SPMIP2: variants seen among roughly 807,000 people sequenced by gnomAD.
SPMIP2 encodes the protein sperm microtubule inner protein 2.
chr4:159,017,838 A>C, the SPMIP2 span, among the ~76,000 whole-genome samples: 1 of 152,220 alleles, frequency 6.6e-6, no homozygotes, highest in Admixed American at 6.5e-5. Context: ...GGGTTTGAGA[A>C]TGGTAAAGAG....
At chr4:158,988,126 A>C in the SPMIP2 span, among the ~76,000 whole-genome samples, 1 of 152,200 alleles carries the variant, frequency 6.6e-6, no homozygotes, top group East Asian at 1.9e-4. Flanking sequence ...GTACGCAAAT[A>C]AACTAGAAAA....
At chr4:159,057,583 T>C in the SPMIP2 span, among the ~76,000 whole-genome samples, 1 of 152,158 alleles carries the variant, frequency 6.6e-6, no homozygotes, top group Admixed American at 6.6e-5. Flanking sequence ...AAAATGTTCA[T>C]TTTTGAAAAT....
the SPMIP2 span, among the ~76,000 whole-genome samples, chr4:158,934,945 T>G: frequency 6.6e-6 from 1 of 152,230 alleles, no homozygotes; most frequent in Non-Finnish European, 1.5e-5. Context: ...AACAGTTTTC[T>G]ATACCTATTA....
At chr4:159,018,274 T>C in the SPMIP2 span, among the ~76,000 whole-genome samples, 1 of 152,166 alleles carries the variant, frequency 6.6e-6, no homozygotes, top group Non-Finnish European at 1.5e-5. Context: ...GGGACTGCTG[T>C]TGTATTGAAA....
At chr4:158,970,005 T>C in the SPMIP2 span, among the ~76,000 whole-genome samples, 1 of 152,156 alleles carries the variant, frequency 6.6e-6, no homozygotes, top group Admixed American at 6.5e-5. Flanking sequence ...AGGAAGTGGA[T>C]TGAGACATTT....
chr4:158,936,786 A>G, the SPMIP2 span, among the ~76,000 whole-genome samples: 1 of 152,186 alleles, frequency 6.6e-6, no homozygotes, highest in Non-Finnish European at 1.5e-5. Flanking sequence ...GTATTTAATC[A>G]TATTTTCCTC....
the SPMIP2 span, chr4:158,915,183 G>T: frequency 2.5e-6 from 4 of 1,602,616 alleles, no homozygotes; most frequent in Admixed American, 3.5e-5. Context: ...TTCCTTTTTT[G>T]GTAGCTTCGG....
At chr4:159,063,026 G>C in the SPMIP2 span, among the ~76,000 whole-genome samples, 3 of 151,910 alleles carry the variant, frequency 2.0e-5, no homozygotes, top group South Asian at 6.2e-4. Context: ...TCTCAAATAA[G>C]TTAATAAGAC....
the SPMIP2 span, among the ~76,000 whole-genome samples, chr4:159,018,299 C>T: frequency 6.6e-6 from 1 of 152,192 alleles, no homozygotes; most frequent in Non-Finnish European, 1.5e-5. Flanking sequence ...ACGTCTGCTG[C>T]TTCACTTCTG....
the SPMIP2 span, among the ~76,000 whole-genome samples, chr4:159,057,482 C>T: frequency 6.6e-5 from 10 of 152,096 alleles, no homozygotes; most frequent in Admixed American, 6.5e-4. Flanking sequence ...ATCACTGAAA[C>T]ATACAGTGCT....
chr4:158,954,485 G>C, the SPMIP2 span, among the ~76,000 whole-genome samples: 1 of 152,116 alleles, frequency 6.6e-6, no homozygotes, highest in Non-Finnish European at 1.5e-5. Flanking sequence ...TAATACAAAG[G>C]AACTACAAGA....
chr4:158,988,511 C>G, the SPMIP2 span, among the ~76,000 whole-genome samples: 1 of 152,168 alleles, frequency 6.6e-6, no homozygotes, highest in African/African-American at 2.4e-5. Context: ...CAAACTCAAT[C>G]CAGCAGCACA....
chr4:159,029,301 T>C, the SPMIP2 span, among the ~76,000 whole-genome samples: 178 of 152,228 alleles, frequency 1.2e-3, 3 homozygotes, highest in Non-Finnish European at 1.3e-3. Context: ...TGTGGGAGGA[T>C]TGACTGGGAA....
the SPMIP2 span, among the ~76,000 whole-genome samples, chr4:158,980,890 G>C: frequency 6.7e-3 from 1,016 of 152,206 alleles, 12 homozygotes; most frequent in African/African-American, 0.022. Context: ...GGCCTCAAAG[G>C]GTGAGTAATA....
At chr4:159,057,864 G>T in the SPMIP2 span, among the ~76,000 whole-genome samples, 1,120 of 152,110 alleles carry the variant, frequency 7.4e-3, 9 homozygotes, top group Middle Eastern at 0.014. Flanking sequence ...TTGTAAGTTG[G>T]TTGTTTGTTT....
At chr4:159,038,644 G>T in the SPMIP2 span, 2 of 152,382 alleles carry the variant, frequency 1.3e-5, no homozygotes, top group East Asian at 3.8e-4. Context: ...AGATCACTTG[G>T]CCGGGGCTGG....
At chr4:158,947,790 T>C in the SPMIP2 span, among the ~76,000 whole-genome samples, 30 of 152,210 alleles carry the variant, frequency 2.0e-4, no homozygotes, top group African/African-American at 6.7e-4. Flanking sequence ...ATCTAACTAA[T>C]AAAATATCCA....
chr4:158,944,687 C>T, the SPMIP2 span, among the ~76,000 whole-genome samples: 1 of 152,204 alleles, frequency 6.6e-6, no homozygotes, highest in Non-Finnish European at 1.5e-5. Flanking sequence ...CATGCTGTGT[C>T]TGAGTTGATC....
the SPMIP2 span, among the ~76,000 whole-genome samples, chr4:159,014,864 A>G: frequency 2.0e-5 from 3 of 152,208 alleles, no homozygotes; most frequent in Non-Finnish European, 2.9e-5. Context: ...AAAGCTTACA[A>G]ATTTGTGTTG....
Sources: gnomAD v4.1 joint callset for allele counts (sites outside exome capture counted in the v4.1 genomes callset) on GRCh38, gnomAD v4.1.1 for gene constraint, MANE v1.5 for transcripts, NCBI Gene and HGNC (gene_info 2026-07-23, HGNC 2026-07-21) for gene names.